The following PECR variants were observed in gnomAD, a reference collection of about 807,000 sequenced individuals.
PECR encodes the protein peroxisomal trans-2-enoyl-CoA reductase, also known as 2,4-dienoyl-CoA reductase-related protein.
A neutral mutation model predicts 35.3 loss-of-function variants in PECR; 30 were observed. That is an observed-to-expected ratio of 0.85 (90% CI 0.64 to 1.15). The LOEUF (loss-of-function observed/expected upper bound fraction) is 1.15. Among genes scored for constraint, PECR ranks in the 50% most tolerant of loss-of-function variants. PECR has a pLI of 0.00. For synonymous variants in PECR, 148 were observed against 138.9 expected (o/e 1.07, Z -0.46); for missense variants, 392 against 370.8 (o/e 1.06, Z -0.47).
Position 216,081,675 on chromosome 2 carries a change from C to G in PECR, c.67G>C (p.Val23Leu), listed in dbSNP as rs746044291. ...CCGATGCCCGTGGCCCCGCCGGTGA[C>G]GATGGCCACTTGGCCCTGCAGCAAA... ...PGLLQGQVAI[V>L]TGGATGIGKA... is the part of the protein sequence containing the mutation. Residue 23 changes from valine (V) to leucine (L), a missense_variant, in exon 1 of 8, where the codon GTC (valine) becomes CTC (leucine). Physicochemically the swap from Val to Leu is conservative, Grantham distance 32 (BLOSUM62 1). Transcript: ENST00000265322. The G allele has an allele frequency of 3.1e-6, 5 of 1,613,752 alleles. No homozygotes were observed. In the East Asian group the frequency reaches 1.1e-4, roughly 36 times the overall value.
chr2:216,044,609 G>A (rs1574678213), intron 6 of PECR, among the ~76,000 whole-genome samples: 1 of 152,114 alleles, frequency 6.6e-6, no homozygotes, highest in Admixed American at 6.5e-5. Context: ...GGCTGAGGTG[G>A]GAGCATTGCG....
At chr2:216,038,077 T>TCCATCTTA (rs1694827399), downstream of PECR, among the ~76,000 whole-genome samples, 1 of 151,898 alleles carries the variant, frequency 6.6e-6, no homozygotes, top group Non-Finnish European at 1.5e-5. Flanking sequence ...AGAGTGAGAC[T>TCCATCTTA]CCATCTTAAA....
intron 4 of PECR, among the ~76,000 whole-genome samples, chr2:216,056,947 C>T (rs1161777862): frequency 6.6e-6 from 1 of 152,066 alleles, no homozygotes; most frequent in East Asian, 1.9e-4. Context: ...ATCTGAAACA[C>T]TTCTTTTCCA....
At position 216,039,239 on chromosome 2, in the gene PECR, G is replaced by A. The variant is rs201334306; in HGVS notation, c.*36C>T. On this transcript the variant is annotated 3_prime_UTR_variant, in exon 8 of 8. Coordinates refer to ENST00000265322, the MANE Select transcript of PECR (RefSeq NM_018441.6). Reference sequence around the variant, plus strand: ...CAGAAGCATATCCTCAAGATGTGAAGGCACTGGGGGATGGAGGACACCTTG... The same window carrying A: ...CAGAAGCATATCCTCAAGATGTGAAAGCACTGGGGGATGGAGGACACCTTG... 618 of 1,037,108 alleles carry A rather than the reference G, an allele frequency of 6.0e-4. 5 individuals are homozygous for A. Among genetic ancestry groups the A allele is most frequent in the South Asian group, 3.3e-3 (265 of 79,344 alleles). The allele number at this position is 1,037,108 out of a possible 1,614,324, so 64.2% of individuals were successfully genotyped here. A position where few individuals can be genotyped will look rare whatever the true frequency, so the allele number is the denominator to read the frequency against.
At chr2:216,070,334 G>C (rs10177506) in intron 1 of PECR, among the ~76,000 whole-genome samples, 22,673 of 151,988 alleles carry the variant, frequency 0.15, 3,488 homozygotes, top group African/African-American at 0.39. Context: ...ACTATTCTCG[G>C]AATTTTGAAA....
downstream of PECR, among the ~76,000 whole-genome samples, chr2:216,035,069 A>T (rs933619953): frequency 6.6e-6 from 1 of 152,230 alleles, no homozygotes; most frequent in African/African-American, 2.4e-5. Context: ...GGGCCACAGG[A>T]CGGCCAGTCG....
chr2:216,069,397 G>T (rs11887953), intron 1 of PECR, among the ~76,000 whole-genome samples: 7 of 152,048 alleles, frequency 4.6e-5, no homozygotes, highest in South Asian at 2.1e-4. Context: ...ATGATCTAAG[G>T]GGGGACTGGC....
At chr2:216,081,049 T>C (rs1695830766) in intron 1 of PECR, among the ~76,000 whole-genome samples, 2 of 152,160 alleles carry the variant, frequency 1.3e-5, no homozygotes, top group South Asian at 4.1e-4. Flanking sequence ...CCTTTAAACT[T>C]TATATATTTT....
intron 1 of PECR, among the ~76,000 whole-genome samples, chr2:216,067,464 T>C (rs1695490305): frequency 6.6e-6 from 1 of 152,204 alleles, no homozygotes; most frequent in African/African-American, 2.4e-5. Flanking sequence ...GACTAAAGGC[T>C]GCTCAGATCA....
At chr2:216,056,549 C>T (rs886222141) in intron 4 of PECR, among the ~76,000 whole-genome samples, 4 of 151,502 alleles carry the variant, frequency 2.6e-5, no homozygotes, top group African/African-American at 9.7e-5. Flanking sequence ...GGTGAAACCC[C>T]GTCTCTACTA....
chr2:216,077,431 C>A (rs186283350), intron 1 of PECR, among the ~76,000 whole-genome samples: 1 of 150,736 alleles, frequency 6.6e-6, no homozygotes, highest in East Asian at 2.0e-4. Flanking sequence ...GGCTTGAACC[C>A]GGGAGGCGGA....
rs1559209842 is a variant in PECR at position 216,048,067 on chromosome 2, C to CTTTTT, written c.714+1195_714+1196insAAAAA. Among the ~76,000 whole-genome samples the CTTTTT allele has an allele frequency of 2.5e-3, 362 of 145,402 alleles. 1 individual carries two copies. The highest frequency in any genetic ancestry group is 8.5e-3 in the African/African-American group (334 of 39,094). On this transcript the variant is annotated intron_variant, in intron 6 of 7. Coordinates refer to ENST00000265322, the MANE Select transcript of PECR (RefSeq NM_018441.6). ...TGTGGGAAAGACATCCTTTTCTTTTCTTTATTTTATTTTATTTTATTTTTT... is the reference window on the plus strand; with the variant it reads ...TGTGGGAAAGACATCCTTTTCTTTTCTTTTTTTTATTTTATTTTATTTTATTTTTT...
At chr2:216,033,850 G>T (rs576836413), downstream of PECR, 4 of 152,292 alleles carry the variant, frequency 2.6e-5, no homozygotes, top group South Asian at 4.1e-4. Flanking sequence ...AGAGGGCCTT[G>T]GTTACCATAC....
chr2:216,039,753 C>G (rs759013158), intron 7 of PECR, among the ~76,000 whole-genome samples: 1 of 152,186 alleles, frequency 6.6e-6, no homozygotes, highest in Non-Finnish European at 1.5e-5. Flanking sequence ...TGCTACTTGC[C>G]TCTCCAGCAT....
intron 4 of PECR, among the ~76,000 whole-genome samples, chr2:216,056,723 GAAAAAAA>G (rs1206717179): frequency 1.6e-5 from 1 of 60,720 alleles, no homozygotes; most frequent in African/African-American, 5.6e-5. Context: ...CTCCATCTCA[GAAAAAAA>G]AAAAAAAAAA....
intron 6 of PECR, among the ~76,000 whole-genome samples, chr2:216,047,746 G>T (rs1196921423): frequency 7.0e-4 from 103 of 148,098 alleles, no homozygotes; most frequent in Non-Finnish European, 4.4e-4. Flanking sequence ...AACATTTTTG[G>T]CAATTTTTGC....
chr2:216,047,983 ATT>A lies in PECR; in HGVS notation c.714+1278_714+1279del, dbSNP rs34079201. Among the ~76,000 whole-genome samples the A allele has an allele frequency of 9.3e-4, 125 of 134,828 alleles. 1 individual carries two copies. The highest frequency in any genetic ancestry group is 1.4e-3 in the Non-Finnish European group (87 of 62,366). The allele number at this position is 134,828 out of a possible 152,430, so 88.5% of individuals were successfully genotyped here. ...GCCTACTGCCCTAAGGAGGCAGGTG[ATT>A]TTTTTTTTTTTTCATTTAGAGGTAA... is the stretch of plus-strand genomic sequence containing the variant. On this transcript the variant is annotated intron_variant, in intron 6 of 7. Transcript: ENST00000265322.
At position 216,038,429 on chromosome 2, in the gene PECR, A is replaced by G. The variant is rs1481821495; in HGVS notation, c.*846T>C. The G allele has an allele frequency of 6.6e-6, 1 of 152,236 alleles. No individual in the cohort carries two copies. Among genetic ancestry groups the G allele is most frequent in the Non-Finnish European group, 1.5e-5 (1 of 68,048 alleles). 9.4% of individuals were successfully genotyped at this position (152,236 alleles called of 1,614,324 possible). A position where few individuals can be genotyped will look rare whatever the true frequency, so the allele number is the denominator to read the frequency against. ...TTTTCTTTGAATTAAGAGAATTTAT[A>G]CAAATTTGACTTCATAAACAAAAGA... On this transcript the variant is annotated 3_prime_UTR_variant, in exon 8 of 8. Transcript: ENST00000265322.
chr2:216,079,647 A>T lies in PECR; in HGVS notation c.124+1971T>A, dbSNP rs567831819. On this transcript the variant is annotated intron_variant, in intron 1 of 7. Transcript: ENST00000265322. ...CTCCCAAAGTGCTGGGATTACAGGC[A>T]TGAGCCACCGTGCCCGGCCCTGCAT... Among the ~76,000 whole-genome samples the T allele has an allele frequency of 1.1e-3, 169 of 148,246 alleles. 1 individual carries two copies. The highest frequency in any genetic ancestry group is 3.9e-3 in the African/African-American group (158 of 40,756).
Sources: allele counts gnomAD v4.1 joint callset (sites outside exome capture counted in the v4.1 genomes callset), GRCh38; gene constraint gnomAD v4.1.1; transcripts MANE v1.5; gene names NCBI Gene and HGNC (gene_info 2026-07-23, HGNC 2026-07-21).